The following CSPP1 variants were observed in gnomAD, a reference collection of about 807,000 sequenced individuals.
The protein encoded by CSPP1 is centrosome and spindle pole associated protein 1.
Under a neutral mutation model 164.4 loss-of-function variants are expected in CSPP1, and 126 were observed. The observed-to-expected ratio is 0.77, with a 90% CI of 0.66 to 0.89. The LOEUF (loss-of-function observed/expected upper bound fraction) is 0.89, where lower values mean the gene tolerates loss of function less well. Among genes scored for constraint, CSPP1 ranks in the 40% least tolerant of loss-of-function variants. The pLI, the probability that CSPP1 is intolerant of heterozygous loss-of-function variation, is 0.00. For synonymous variants in CSPP1, 472 were observed against 476.7 expected, an observed-to-expected ratio of 0.99 and a Z score of 0.13; for missense variants, 1,395 against 1,449.8, an observed-to-expected ratio of 0.96 and a Z score of 0.61.
At chr8:67,173,724 G>A (rs1336792769) in intron 25 of CSPP1, 5 of 152,080 alleles carry the variant, frequency 3.3e-5, no homozygotes, top group African/African-American at 9.6e-5. Flanking sequence ...AGATTTACAC[G>A]TATTATCAAT....
intron 16 of CSPP1, chr8:67,134,551 CTTTTTTTTTTTT>C (rs35436646): frequency 1.9e-5 from 2 of 104,722 alleles, no homozygotes; most frequent in Non-Finnish European, 3.7e-5. Flanking sequence ...TTAGCATCAT[CTTTTTTTTTTTT>C]TTTTTTTTTT....
At chr8:67,118,857 CT>C in intron 15 of CSPP1, 36 bp downstream of exon 15, 1 of 1,447,244 alleles carries the variant, frequency 6.9e-7, no homozygotes, top group Non-Finnish European at 9.7e-7. Context: ...TTTTTCCCCA[CT>C]TTTATTTTGT....
At chr8:67,094,999 A>C (rs572373939) in intron 6 of CSPP1, among the ~76,000 whole-genome samples, 2 of 152,314 alleles carry the variant, frequency 1.3e-5, no homozygotes, top group Non-Finnish European at 2.9e-5. Flanking sequence ...GTGTTGTTGA[A>C]TGTATGGATG....
At chr8:67,151,512 C>T (rs1003886940) in intron 18 of CSPP1, among the ~76,000 whole-genome samples, 1 of 152,088 alleles carries the variant, frequency 6.6e-6, no homozygotes, top group Non-Finnish European at 1.5e-5. Flanking sequence ...CTTTCGCTAT[C>T]TTAGTAATAA....
intron 24 of CSPP1, among the ~76,000 whole-genome samples, chr8:67,170,417 C>A (rs1318452347): frequency 6.6e-6 from 1 of 152,054 alleles, no homozygotes; most frequent in African/African-American, 2.4e-5. Flanking sequence ...GATTGTGCCA[C>A]TGCATTCCAG....
At chr8:67,189,083 C>T (rs924967790) in intron 28 of CSPP1, among the ~76,000 whole-genome samples, 1 of 152,150 alleles carries the variant, frequency 6.6e-6, no homozygotes, top group Non-Finnish European at 1.5e-5. Flanking sequence ...CACCACATAC[C>T]TGCTAGAATG....
chr8:67,085,718 T>C (rs1275074176), intron 3 of CSPP1, among the ~76,000 whole-genome samples: 1 of 152,082 alleles, frequency 6.6e-6, no homozygotes, highest in African/African-American at 2.4e-5. Context: ...AGTATCTGTT[T>C]ATAGGTGCAT....
chr8:67,175,401 G>A lies in CSPP1; in HGVS notation c.3074G>A (p.Arg1025Lys). ...QQALLREQQK[R>K]LNRIKMQEGA... ...GCCCTGCTAAGAGAGCAGCAGAAGAGGCTGAACAGAATAAAAATGCAGGAA... is the reference window on the plus strand; with the variant it reads ...GCCCTGCTAAGAGAGCAGCAGAAGAAGCTGAACAGAATAAAAATGCAGGAA... The change falls in exon 26 of 31, where the codon AGG becomes AAG. Residue 1025 changes from arginine to lysine, a missense_variant. Physicochemically the swap from Arg to Lys is conservative, Grantham distance 26. Transcript: ENST00000678616. 1 of 1,614,172 alleles carries A rather than the reference G, an allele frequency of 6.2e-7. No individual in the cohort carries two copies. The highest frequency in any genetic ancestry group is 1.7e-5 in the Admixed American group (1 of 60,012).
At chr8:67,066,845 G>A (rs1363439184) in intron 1 of CSPP1, among the ~76,000 whole-genome samples, 2 of 152,120 alleles carry the variant, frequency 1.3e-5, no homozygotes, top group African/African-American at 2.4e-5. Flanking sequence ...CTGGAGTGCA[G>A]TGGTGTGATC....
In CSPP1 at chr8:67,131,951, G is replaced by C; in HGVS notation, c.1698G>C (p.Val566=). 1 of 1,597,532 alleles carries C rather than the reference G, an allele frequency of 6.3e-7. No individual in the cohort carries two copies. ...PVTHQLAQPV[V]NTVGQNELKI... is the part of the protein sequence containing the mutation. ...ATTATTTATTGTGTATTTGATGTAGGAATACGGTTGGACAGAATGAACTGA... is the reference window on the plus strand; with the variant it reads ...ATTATTTATTGTGTATTTGATGTAGCAATACGGTTGGACAGAATGAACTGA... Residue 566 remains valine (V), a splice_region_variant and synonymous_variant, in exon 16 of 31, where the codon GTG becomes GTC. Transcript: ENST00000678616.
At chr8:67,194,986 A>AAAAG (rs1049529505) in intron 30 of CSPP1, among the ~76,000 whole-genome samples, 4 of 151,644 alleles carry the variant, frequency 2.6e-5, no homozygotes, top group Admixed American at 6.6e-5. Flanking sequence ...AAAAAAAATA[A>AAAAG]AAAGAAAAAA....
chr8:67,119,825 T>C (rs1818640853), intron 15 of CSPP1, among the ~76,000 whole-genome samples: 2 of 152,192 alleles, frequency 1.3e-5, no homozygotes, highest in Admixed American at 1.3e-4. Flanking sequence ...AAATATTTGC[T>C]CCCATTCTGT....
intron 10 of CSPP1, 65 bp from the exon 11 acceptor site, chr8:67,113,740 T>C: frequency 6.2e-6 from 5 of 812,432 alleles, no homozygotes; most frequent in Non-Finnish European, 8.0e-6. Flanking sequence ...CTTCTTTCAG[T>C]GATGATTTAT....
At position 67,111,996 on chromosome 8, in the gene CSPP1, A is replaced by T. The variant is rs1243823741; in HGVS notation, c.1118A>T (p.Gln373Leu). 2 of 1,610,422 alleles carry T rather than the reference A, an allele frequency of 1.2e-6. No homozygotes were observed. The highest frequency in any genetic ancestry group is 1.7e-6 in the Non-Finnish European group (2 of 1,177,970). ...LFGGEDRELI[Q>L]RRKEKYRLEL... Reference sequence around the variant, plus strand: ...GGAGGTGAAGATCGAGAACTTATTCAGAGAAGGAAAGAGAAATACAGACTA... The same window carrying T: ...GGAGGTGAAGATCGAGAACTTATTCTGAGAAGGAAAGAGAAATACAGACTA... The change falls in exon 10 of 31, where the codon CAG (glutamine) becomes CTG (leucine). Residue 373 changes from glutamine to leucine, a missense_variant. Coordinates refer to ENST00000678616, the MANE Select transcript of CSPP1 (RefSeq NM_001382391.1).
At chr8:67,177,783 G>A (rs1480100662) in intron 27 of CSPP1, 57 bp downstream of exon 27, 3 of 1,161,252 alleles carry the variant, frequency 2.6e-6, no homozygotes, top group Admixed American at 1.7e-5. Flanking sequence ...AAATCTTTAG[G>A]CATATGATGA....
At chr8:67,119,742 G>A (rs1818624377) in intron 15 of CSPP1, among the ~76,000 whole-genome samples, 1 of 151,932 alleles carries the variant, frequency 6.6e-6, no homozygotes, top group South Asian at 2.1e-4. Context: ...TAGGTTGTTT[G>A]TTTTTTGTTG....
At chr8:67,152,975 A>G (rs951225460) in intron 18 of CSPP1, among the ~76,000 whole-genome samples, 1 of 152,140 alleles carries the variant, frequency 6.6e-6, no homozygotes, top group Non-Finnish European at 1.5e-5. Flanking sequence ...AGGCGGGCGG[A>G]TCATCTGAGG....
rs1030989079 is a variant in CSPP1, at chr8:67,196,243, TTTTTA to T, written c.*656_*660del. 3 of 152,216 alleles carry T rather than the reference TTTTTA, an allele frequency of 2.0e-5. No homozygotes were observed. Among genetic ancestry groups the T allele is most frequent in the African/African-American group, 7.2e-5 (3 of 41,452 alleles). 9.4% of individuals were successfully genotyped at this position (152,216 alleles called of 1,614,324 possible). ...GTAACTACTTCTTGATATAAATAAA[TTTTTA>T]TTTTAATTACTAAAATCTTTTTAAC... On this transcript the variant is annotated 3_prime_UTR_variant, in exon 31 of 31. Transcript: ENST00000678616.
chr8:67,140,431 C>T (rs1281297090), intron 17 of CSPP1, among the ~76,000 whole-genome samples: 1 of 152,094 alleles, frequency 6.6e-6, no homozygotes, highest in African/African-American at 2.4e-5. Context: ...AGATTTGTTC[C>T]TTTCCTATCT....
Sources: gnomAD v4.1 joint callset for allele counts (sites outside exome capture counted in the v4.1 genomes callset) on GRCh38, gnomAD v4.1.1 for gene constraint, MANE v1.5 for transcripts, NCBI Gene and HGNC (gene_info 2026-07-23, HGNC 2026-07-21) for gene names.